ITSN1: variants seen among roughly 807,000 people sequenced by gnomAD.
The protein encoded by ITSN1 is intersectin-1.
A neutral mutation model predicts 239.8 loss-of-function variants in ITSN1; 58 were observed. The observed-to-expected ratio is 0.24, with a 90% CI of 0.20 to 0.30. ITSN1 has a LOEUF of 0.30. Among genes scored for constraint, ITSN1 ranks in the 10% least tolerant of loss-of-function variants. The pLI, the probability that ITSN1 is intolerant of heterozygous loss-of-function variation, is 1.00. For synonymous variants in ITSN1, 780 were observed against 770.8 expected (o/e 1.01, Z -0.20); for missense variants, 1,558 against 2,103.3 (o/e 0.74, Z 5.07).
At chr21:33,678,345 T>C (rs1271795338) in intron 1 of ITSN1, among the ~76,000 whole-genome samples, 1 of 152,188 alleles carries the variant, frequency 6.6e-6, no homozygotes, top group Non-Finnish European at 1.5e-5. Context: ...TTTCTTAAAG[T>C]GGGGTTCTGT....
Position 33,826,830 on chromosome 21 carries a change from G to T in ITSN1, c.3196G>T (p.Ala1066Ser), listed in dbSNP as rs2074000724. 2 of 1,613,924 alleles carry T rather than the reference G, an allele frequency of 1.2e-6. No homozygotes were observed. Among genetic ancestry groups the T allele is most frequent in the Non-Finnish European group, 1.7e-6 (2 of 1,179,856 alleles). Residue 1066 changes from alanine (A) to serine (S), a missense_variant, in exon 26 of 40, where the codon GCT becomes TCT. Around this residue, in one of 2 missense-constraint regions of ITSN1, gnomAD observed 576 missense variants for 893.3 expected, o/e 0.64. Coordinates refer to ENST00000381318, the MANE Select transcript of ITSN1 (RefSeq NM_003024.3). Reference protein sequence around the residue: ...RLKDSEGSGTAGKTGSLGKKP... With the variant: ...RLKDSEGSGTSGKTGSLGKKP... ...GCTCTGTTTTAAGGGCTCTGGAACT[G>T]CTGGGAAAACAGGGAGTTTAGGAAA...
Sources: gnomAD v4.1 joint callset for allele counts (sites outside exome capture counted in the v4.1 genomes callset) on GRCh38, gnomAD v4.1.1 for gene constraint, gnomAD v4.1.1 regional missense constraint, MANE v1.5 for transcripts, NCBI Gene and HGNC (gene_info 2026-07-23, HGNC 2026-07-21) for gene names.